DCAF8L2: variants seen among roughly 807,000 people sequenced by gnomAD.
DCAF8L2 encodes the protein DDB1- and CUL4-associated factor 8-like protein 2.
For synonymous variants in DCAF8L2, 200 were observed against 190.9 expected, an observed-to-expected ratio of 1.05 and a Z score of -0.39; for missense variants, 430 against 490.7, an observed-to-expected ratio of 0.88 and a Z score of 1.17.
At chrX:27,532,062 GAT>G in the DCAF8L2 span, among the ~76,000 whole-genome samples, 22,056 of 105,033 alleles carry the variant, frequency 0.21, 2,150 homozygotes, top group East Asian at 0.36. Context: ...AATTGATATC[GAT>G]ATATATATAT....
chrX:27,495,675 C>G, the DCAF8L2 span, among the ~76,000 whole-genome samples: 5 of 111,822 alleles, frequency 4.5e-5, no homozygotes, highest in African/African-American at 1.3e-4. Context: ...TCTTTGTCTA[C>G]ATGTTATCAT....
At chrX:27,558,984 T>A in the DCAF8L2 span, among the ~76,000 whole-genome samples, 7 of 110,540 alleles carry the variant, frequency 6.3e-5, no homozygotes, top group Non-Finnish European at 7.6e-5. Flanking sequence ...CAAATTGTAA[T>A]CCCCATGTGT....
At chrX:27,627,761 G>C (rs1027317823) in intron 1 of DCAF8L2, among the ~76,000 whole-genome samples, 1 of 108,737 alleles carries the variant, frequency 9.2e-6, no homozygotes, top group African/African-American at 3.4e-5. Context: ...GGGCGTGGTG[G>C]TGCGTGCCTG....
At chrX:27,552,436 C>A in the DCAF8L2 span, among the ~76,000 whole-genome samples, 1 of 111,346 alleles carries the variant, frequency 9.0e-6, no homozygotes, top group Admixed American at 9.6e-5. Flanking sequence ...TTGAGTTTTA[C>A]ATTTAAGTCT....
the DCAF8L2 span, among the ~76,000 whole-genome samples, chrX:27,531,797 G>A: frequency 9.0e-6 from 1 of 111,343 alleles, no homozygotes; most frequent in Admixed American, 9.6e-5. Flanking sequence ...AGCCATAATG[G>A]GAGGCTTATT....
chrX:27,593,951 T>A (rs917492768), intron 1 of DCAF8L2, among the ~76,000 whole-genome samples: 4 of 112,351 alleles, frequency 3.6e-5, no homozygotes, highest in South Asian at 7.4e-4. Flanking sequence ...CTGTTATTTG[T>A]TGGGTGCTTA....
At chrX:27,479,106 C>T in the DCAF8L2 span, among the ~76,000 whole-genome samples, 1 of 111,005 alleles carries the variant, frequency 9.0e-6, no homozygotes, top group Non-Finnish European at 1.9e-5. Context: ...CTTTCTGGCA[C>T]TCTCTGGTTT....
chrX:27,698,864 G>C (rs5926480), intron 3 of DCAF8L2, among the ~76,000 whole-genome samples: 1 of 110,348 alleles, frequency 9.1e-6, no homozygotes, highest in Non-Finnish European at 1.9e-5. Context: ...GGCAGACACT[G>C]TGCAAAATAT....
chrX:27,574,156 A>G, the DCAF8L2 span, among the ~76,000 whole-genome samples: 3,025 of 110,624 alleles, frequency 0.027, 51 homozygotes, highest in African/African-American at 0.062. Flanking sequence ...CTGAGGAGCC[A>G]ATAGGTTGGT....
the DCAF8L2 span, among the ~76,000 whole-genome samples, chrX:27,558,174 C>G: frequency 9.0e-6 from 1 of 111,555 alleles, no homozygotes; most frequent in Non-Finnish European, 1.9e-5. Flanking sequence ...TTTACAGTCA[C>G]AATTGCACAA....
chrX:27,641,903 T>G (rs1046718482), intron 2 of DCAF8L2, among the ~76,000 whole-genome samples: 12 of 110,399 alleles, frequency 1.1e-4, no homozygotes, highest in African/African-American at 3.9e-4. Flanking sequence ...TAAATTTTTT[T>G]TTTGAGATGG....
At position 27,658,724 on chromosome X, in the gene DCAF8L2, A is replaced by G. The variant is rs959897053; in HGVS notation, c.-219-19112A>G. On this transcript the variant is annotated intron_variant, in intron 2 of 4. Transcript: ENST00000451261. Reference sequence around the variant, plus strand: ...GGAATGCAGTATTATGAGCTTTTACACCACTGTATTCAAACAGCACAACAG... The same window carrying G: ...GGAATGCAGTATTATGAGCTTTTACGCCACTGTATTCAAACAGCACAACAG... 3.6e-5 allele frequency among the ~76,000 whole-genome samples: 4 copies of G among 112,054 alleles called. No homozygotes were observed. In the South Asian group the frequency reaches 1.5e-3, roughly 42 times the overall value.
At chrX:27,664,092 A>G in intron 2 of DCAF8L2, among the ~76,000 whole-genome samples, 1 of 110,346 alleles carries the variant, frequency 9.1e-6, no homozygotes, top group East Asian at 2.9e-4. Flanking sequence ...ATTTTAAGTC[A>G]TAAGCTAGAA....
chrX:27,552,312 T>C, the DCAF8L2 span, among the ~76,000 whole-genome samples: 1 of 111,897 alleles, frequency 8.9e-6, no homozygotes, highest in Non-Finnish European at 1.9e-5. Flanking sequence ...TGTAATCTCA[T>C]TTGTCTATTT....
At chrX:27,695,224 C>A (rs186859403) in intron 3 of DCAF8L2, among the ~76,000 whole-genome samples, 1 of 111,947 alleles carries the variant, frequency 8.9e-6, no homozygotes, top group African/African-American at 3.2e-5. Context: ...CCTTGCTATA[C>A]CATTCTGTGT....
chrX:27,501,076 G>T, the DCAF8L2 span, among the ~76,000 whole-genome samples: 2 of 111,135 alleles, frequency 1.8e-5, no homozygotes, highest in South Asian at 3.8e-4. Flanking sequence ...TTGAGTAAAT[G>T]AGTTAAAAGA....
the DCAF8L2 span, among the ~76,000 whole-genome samples, chrX:27,501,232 A>G: frequency 1.2e-5 from 1 of 84,043 alleles, no homozygotes; most frequent in Non-Finnish European, 2.3e-5. Flanking sequence ...TCCTCGTCCT[A>G]CCTCCCCCTC....
At chrX:27,620,804 A>T (rs1927720713) in intron 1 of DCAF8L2, among the ~76,000 whole-genome samples, 1 of 111,886 alleles carries the variant, frequency 8.9e-6, no homozygotes, top group Non-Finnish European at 1.9e-5. Flanking sequence ...TGGTCCAGCA[A>T]TTCCATTTCT....
upstream of DCAF8L2, among the ~76,000 whole-genome samples, chrX:27,586,390 G>A (rs772961507): frequency 9.0e-6 from 1 of 111,483 alleles, no homozygotes; most frequent in Non-Finnish European, 1.9e-5. Context: ...TAATAAGATT[G>A]TTCATAGTAT....
Sources: allele counts gnomAD v4.1 joint callset (sites outside exome capture counted in the v4.1 genomes callset), GRCh38; gene constraint gnomAD v4.1.1; transcripts MANE v1.5; gene names NCBI Gene and HGNC (gene_info 2026-07-23, HGNC 2026-07-21).